Variants in FBF1 observed in about 807,000 individuals in gnomAD.
FBF1 encodes the protein fas-binding factor 1.
FBF1 carries 119 observed loss-of-function variants against 147.2 expected under a neutral mutation model. That is an observed-to-expected ratio of 0.81 (90% CI 0.70 to 0.94). FBF1 has a LOEUF of 0.94. Ranked by LOEUF, FBF1 falls within the 40% of genes least tolerant of loss-of-function variation. The pLI is 0.00. For missense variants in FBF1, 1,449 were observed against 1,500.8 expected, an observed-to-expected ratio of 0.97 and a Z score of 0.57; for synonymous variants, 601 against 609.0, an observed-to-expected ratio of 0.99 and a Z score of 0.19.
intron 18 of FBF1, 47 bp downstream of exon 18, chr17:75,920,226 TC>T: frequency 6.3e-7 from 1 of 1,596,456 alleles, no homozygotes; most frequent in Non-Finnish European, 8.5e-7. Flanking sequence ...CAGTGTCCCC[TC>T]CTGTCGCAAC....
chr17:75,914,834 C>A lies in FBF1; in HGVS notation c.2727G>T (p.Lys909Asn). Residue 909 changes from lysine to asparagine, a missense_variant, in exon 25 of 30, where the codon AAG becomes AAT. By Grantham distance (94) the Lys-to-Asn change is moderately conservative. Transcript: ENST00000636174. ...CGCGCTCGGCCCGCTCCTTACTCAGCTTTTGCTGCGCGGAGAACTCCGCCC... is the reference window on the plus strand; with the variant it reads ...CGCGCTCGGCCCGCTCCTTACTCAGATTTTGCTGCGCGGAGAACTCCGCCC... The part of the protein sequence containing the change: ...AEWAEFSAQQ[K>N]LSKERAEREA... The A allele has an allele frequency of 6.2e-7, 1 of 1,607,822 alleles. No homozygotes were observed. Among genetic ancestry groups the A allele is most frequent in the Non-Finnish European group, 8.5e-7 (1 of 1,178,562 alleles).
chr17:75,934,180 T>C (rs979661720), intron 4 of FBF1, among the ~76,000 whole-genome samples: 1 of 152,232 alleles, frequency 6.6e-6, no homozygotes, highest in African/African-American at 2.4e-5. Context: ...GTGATTTATC[T>C]ACACAATGGA....
chr17:75,925,538 G>C lies in FBF1; in HGVS notation c.869-92C>G. 8.9e-7 allele frequency: 1 copy of C among 1,124,970 alleles called. No homozygotes were observed. Among genetic ancestry groups the C allele is most frequent in the Non-Finnish European group, 1.3e-6 (1 of 775,938 alleles). 69.7% of individuals were successfully genotyped at this position (1,124,970 alleles called of 1,614,324 possible). A position where few individuals can be genotyped will look rare whatever the true frequency, so the allele number is the denominator to read the frequency against. ...ATTCTAACAAAAGCTGAATTTGGTA[G>C]CTTGTTGTGTAAGACAAGCAGAGGG... On this transcript the variant is annotated intron_variant, in intron 12 of 29. Coordinates refer to ENST00000636174, the MANE Select transcript of FBF1 (RefSeq NM_001319193.2). This position sits in a 1 kb window ranked among gnomAD's most constrained non-coding sequence, Gnocchi z 5.0.
At chr17:75,938,875 A>AG (rs200198699) in intron 1 of FBF1, among the ~76,000 whole-genome samples, 2,325 of 152,054 alleles carry the variant, frequency 0.015, 29 homozygotes, top group South Asian at 0.026. Context: ...AAAAAAAAAA[A>AG]AAGATGTAGG....
chr17:75,927,407 C>T (rs1261711790), intron 9 of FBF1, 48 bp downstream of exon 9: 2 of 1,519,040 alleles, frequency 1.3e-6, no homozygotes, highest in South Asian at 1.2e-5. Flanking sequence ...TAGGCTGCTC[C>T]ACTCCCAAAC....
Position 75,925,277 on chromosome 17 carries a change from G to T in FBF1, c.968+70C>A. ...AGACTCTCGGGTGGGACAGGGGACA[G>T]CTGCAGGGGCCTGTCTTCCCAGTGG... On this transcript the variant is annotated intron_variant, in intron 13 of 29. Coordinates refer to ENST00000636174, the MANE Select transcript of FBF1 (RefSeq NM_001319193.2). The surrounding 1 kb of genome is among the most constrained non-coding windows in gnomAD (Gnocchi z 5.0). 8.1e-7 allele frequency: 1 copy of T among 1,228,524 alleles called. No individual in the cohort carries two copies. The highest frequency in any genetic ancestry group is 1.5e-5 in the African/African-American group (1 of 66,736). 76.1% of individuals were successfully genotyped at this position (1,228,524 alleles called of 1,614,324 possible). A position where few individuals can be genotyped will look rare whatever the true frequency, so the allele number is the denominator to read the frequency against.
rs1272831318 is a variant in FBF1, at chr17:75,922,493, T to C, written c.1425-447A>G. 4.6e-5 allele frequency among the ~76,000 whole-genome samples: 7 copies of C among 152,134 alleles called. No individual in the cohort carries two copies. Among genetic ancestry groups the C allele is most frequent in the Non-Finnish European group, 7.4e-5 (5 of 68,012 alleles). On this transcript the variant is annotated intron_variant, in intron 14 of 29. Transcript: ENST00000636174. The surrounding 1 kb of genome is among the most constrained non-coding windows in gnomAD (Gnocchi z 5.0). ...GGCTCTTTTCTGTTTTGGCCTGAGC[T>C]TTCCCCTCGGCCTCAGGTCAAAGTC...
At chr17:75,937,948 C>G (rs2065634990) in intron 2 of FBF1, 199 bp downstream of exon 2, 1 of 742,396 alleles carries the variant, frequency 1.3e-6, no homozygotes, top group Non-Finnish European at 2.2e-6. Context: ...ACGCTTCCAG[C>G]TGGACACTCA....
chr17:75,921,365 G>A, intron 16 of FBF1, 63 bp from the exon 17 acceptor site: 1 of 1,555,928 alleles, frequency 6.4e-7, no homozygotes, highest in Middle Eastern at 1.7e-4. Context: ...CGAGTGTCCA[G>A]GAGGGGCTGG....
chr17:75,922,570 T>G lies in FBF1; in HGVS notation c.1425-524A>C, dbSNP rs77023674. ...AGGACAGGGTGATGTCCCTGGGCTG[T>G]CACAAATTGCCCAGTTCACTCCCCT... is the stretch of plus-strand genomic sequence containing the variant. On this transcript the variant is annotated intron_variant, in intron 14 of 29. Coordinates refer to ENST00000636174, the MANE Select transcript of FBF1 (RefSeq NM_001319193.2). The surrounding 1 kb of genome is among the most constrained non-coding windows in gnomAD (Gnocchi z 5.0). Among the ~76,000 whole-genome samples, 4,172 of 152,066 alleles carry G rather than the reference T, an allele frequency of 0.027. 162 individuals carry two copies. Among genetic ancestry groups the G allele is most frequent in the African/African-American group, 0.082 (3,382 of 41,494 alleles).
At position 75,914,024 on chromosome 17, in the gene FBF1, C is replaced by T. The variant is rs568266767; in HGVS notation, c.3018G>A (p.Gly1006=). Residue 1006 remains glycine (G), a synonymous_variant, in exon 27 of 30, where the codon GGG becomes GGA. Coordinates refer to ENST00000636174, the MANE Select transcript of FBF1 (RefSeq NM_001319193.2). ...SKVASEKYEE[G]ERALREAQQV... ...GCTGGGCCTCGCGCAATGCCCGCTC[C>T]CCCTCCTCGTACTTCTCGGAGGCCA... The T allele has an allele frequency of 2.5e-6, 4 of 1,586,928 alleles. No individual in the cohort carries two copies. Among genetic ancestry groups the T allele is most frequent in the Non-Finnish European group, 3.4e-6 (4 of 1,173,992 alleles).
At chr17:75,939,631 A>G (rs1275536755) in intron 1 of FBF1, among the ~76,000 whole-genome samples, 2 of 152,166 alleles carry the variant, frequency 1.3e-5, no homozygotes, top group South Asian at 2.1e-4. Context: ...CTGGGGCTCA[A>G]GCAATCCTCC....
intron 10 of FBF1, 125 bp downstream of exon 10, chr17:75,926,633 G>T: frequency 7.0e-7 from 1 of 1,423,262 alleles, no homozygotes; most frequent in Non-Finnish European, 9.5e-7. Flanking sequence ...TGATCTCTTT[G>T]TACTGGACCT....
chr17:75,928,813 A>G lies in FBF1; in HGVS notation c.280-620T>C, dbSNP rs1164729406. On this transcript the variant is annotated intron_variant, in intron 7 of 29. Coordinates refer to ENST00000636174, the MANE Select transcript of FBF1 (RefSeq NM_001319193.2). This position sits in a 1 kb window ranked among gnomAD's most constrained non-coding sequence, Gnocchi z 4.2. ...ACAGAGCAAGACTCCGTCTCAAAAAAATAAAAATAAATTAAAAATAAAATA... is the reference window on the plus strand; with the variant it reads ...ACAGAGCAAGACTCCGTCTCAAAAAGATAAAAATAAATTAAAAATAAAATA... Among the ~76,000 whole-genome samples the G allele has an allele frequency of 3.3e-5, 5 of 152,062 alleles. No homozygotes were observed. Among genetic ancestry groups the G allele is most frequent in the Non-Finnish European group, 7.4e-5 (5 of 68,024 alleles).
rs370730160 is a variant in FBF1 at position 75,922,003 on chromosome 17, C to T, written c.1468G>A (p.Gly490Arg). 21 of 1,551,864 alleles carry T rather than the reference C, an allele frequency of 1.4e-5. No individual in the cohort carries two copies. Among genetic ancestry groups the T allele is most frequent in the Non-Finnish European group, 1.8e-5 (21 of 1,147,052 alleles). The change falls in exon 15 of 30, where the codon GGA (glycine) becomes AGA (arginine). Residue 490 changes from glycine to arginine, a missense_variant. Coordinates refer to ENST00000636174, the MANE Select transcript of FBF1 (RefSeq NM_001319193.2). The surrounding 1 kb of genome is among the most constrained non-coding windows in gnomAD (Gnocchi z 5.0). ...STQGLEHAAA[G>R]GSSGTTARER... ...CGTGCAGTTGTTCCAGAACTCCCTCCAGCAGCTGCGTGCTCAAGCCCTTGT... is the reference window on the plus strand; with the variant it reads ...CGTGCAGTTGTTCCAGAACTCCCTCTAGCAGCTGCGTGCTCAAGCCCTTGT...
At chr17:75,931,726 T>C (rs1469122876) in intron 5 of FBF1, among the ~76,000 whole-genome samples, 1 of 151,474 alleles carries the variant, frequency 6.6e-6, no homozygotes, top group African/African-American at 2.4e-5. Context: ...GAGGCTGCAA[T>C]GAGCTGACAT....
intron 28 of FBF1, among the ~76,000 whole-genome samples, chr17:75,913,162 T>C (rs911196030): frequency 6.6e-6 from 1 of 150,426 alleles, no homozygotes; most frequent in Non-Finnish European, 1.5e-5. Context: ...TTTTTTTTTT[T>C]TTTTTAAACG....
rs765502888 is a variant in FBF1, at chr17:75,919,957, T to C, written c.1931+50A>G. 4 of 1,609,982 alleles carry C rather than the reference T, an allele frequency of 2.5e-6. No homozygotes were observed. The African/African-American group carries it at 4.0e-5, about 16-fold the overall frequency. On this transcript the variant is annotated intron_variant, in intron 19 of 29. Transcript: ENST00000636174. The surrounding 1 kb of genome is among the most constrained non-coding windows in gnomAD (Gnocchi z 5.0). ...CCTCTCCAGGCACACTGGGTGGCCT[T>C]TGGGGTCAGTGTGAGATCCAAGGCA...
rs202117712 is a variant in FBF1, at chr17:75,914,728, C to T, written c.2814+19G>A. 3.6e-5 allele frequency: 56 copies of T among 1,535,544 alleles called. No individual in the cohort carries two copies. The highest frequency in any genetic ancestry group is 5.5e-5 in the African/African-American group (4 of 72,988). On this transcript the variant is annotated intron_variant, in intron 25 of 29. Coordinates refer to ENST00000636174, the MANE Select transcript of FBF1 (RefSeq NM_001319193.2). ...AGGCAACCCTGGGCCCTCCACTGTCCGGAGGCTCTGGGCCCTACCTTGGCC... is the reference window on the plus strand; with the variant it reads ...AGGCAACCCTGGGCCCTCCACTGTCTGGAGGCTCTGGGCCCTACCTTGGCC...
Sources: allele counts gnomAD v4.1 joint callset (sites outside exome capture counted in the v4.1 genomes callset), GRCh38; gene constraint gnomAD v4.1.1; non-coding constraint Gnocchi (gnomAD v3.1); transcripts MANE v1.5; gene names NCBI Gene and HGNC (gene_info 2026-07-23, HGNC 2026-07-21).